PGAP1: variants seen among roughly 807,000 people sequenced by gnomAD.
PGAP1 encodes post-GPI attachment to proteins inositol deacylase 1, also known as GPI inositol-deacylase.
PGAP1 carries 76 observed loss-of-function variants against 127.0 expected under a neutral mutation model. That is an observed-to-expected ratio of 0.60 (90% CI 0.50 to 0.72). The LOEUF (loss-of-function observed/expected upper bound fraction) is 0.72, where lower values mean the gene tolerates loss of function less well. Among genes scored for constraint, PGAP1 ranks in the 30% least tolerant of loss-of-function variants. The pLI is 0.00. For missense variants in PGAP1, 982 were observed against 1,071.3 expected, an observed-to-expected ratio of 0.92 and a Z score of 1.16; for synonymous variants, 362 against 366.5, an observed-to-expected ratio of 0.99 and a Z score of 0.14.
chr2:196,886,617 T>C (rs190934925), intron 10 of PGAP1, among the ~76,000 whole-genome samples: 138 of 152,312 alleles, frequency 9.1e-4, no homozygotes, highest in Non-Finnish European at 1.6e-3. Context: ...TATACAAACA[T>C]AAATCCAGAG....
At chr2:196,859,714 TA>T (rs1700999748) in intron 20 of PGAP1, among the ~76,000 whole-genome samples, 1 of 152,158 alleles carries the variant, frequency 6.6e-6, no homozygotes, top group South Asian at 2.1e-4. Flanking sequence ...GTTCAATATA[TA>T]CAAATCAATC....
At chr2:196,890,778 G>A (rs372325899) in intron 10 of PGAP1, 50 bp downstream of exon 10, 3 of 1,055,466 alleles carry the variant, frequency 2.8e-6, no homozygotes, top group Non-Finnish European at 4.3e-6. Context: ...TTTGAAAAAT[G>A]AACAACAGTT....
chr2:196,864,389 T>TC (rs1553599547), intron 20 of PGAP1, among the ~76,000 whole-genome samples: 1 of 21,156 alleles, frequency 4.7e-5, no homozygotes, highest in Non-Finnish European at 8.3e-5. Context: ...AAACTACGTC[T>TC]CAAAAAAAAA....
intron 26 of PGAP1, among the ~76,000 whole-genome samples, chr2:196,842,182 G>C (rs1285135410): frequency 6.6e-6 from 1 of 152,112 alleles, no homozygotes; most frequent in Non-Finnish European, 1.5e-5. Context: ...GAGGGGTTAA[G>C]AAATGTAACT....
intron 7 of PGAP1, 91 bp from the exon 8 acceptor site, chr2:196,893,336 C>T: frequency 3.1e-6 from 2 of 655,450 alleles, no homozygotes; most frequent in East Asian, 2.9e-5. Flanking sequence ...CAACAGCCAA[C>T]ATTTATTACT....
intron 20 of PGAP1, among the ~76,000 whole-genome samples, chr2:196,856,316 C>A (rs905083548): frequency 2.0e-5 from 3 of 152,110 alleles, no homozygotes; most frequent in Admixed American, 6.6e-5. Flanking sequence ...CCATGCCCAG[C>A]CCTCAAGGTT....
At chr2:196,873,908 A>C in intron 14 of PGAP1, 150 bp from the exon 15 acceptor site, 6 of 534,772 alleles carry the variant, frequency 1.1e-5, no homozygotes, top group South Asian at 3.4e-5. Context: ...TAAAAATCTA[A>C]TCTCCCAGCA....
chr2:196,873,778 G>C lies in PGAP1; in HGVS notation c.1427-20C>G. ...ACAATCCTGTTGAATTCAAAGTACT[G>C]TATTACTTAGAATATCAAGGAAGTT... On this transcript the variant is annotated intron_variant, in intron 14 of 26. Transcript: ENST00000354764. 6.6e-7 allele frequency: 1 copy of C among 1,510,030 alleles called. No homozygotes were observed. The highest frequency in any genetic ancestry group is 9.2e-7 in the Non-Finnish European group (1 of 1,087,000). The allele number at this position is 1,510,030 out of a possible 1,614,324, so 93.5% of individuals were successfully genotyped here.
intron 11 of PGAP1, 42 bp downstream of exon 11, chr2:196,885,792 T>C (rs1002114665): frequency 3.1e-6 from 4 of 1,295,326 alleles, no homozygotes; most frequent in Non-Finnish European, 4.1e-6. Context: ...TTCCGAGTAT[T>C]GTTTATGTTG....
chr2:196,848,088 T>C, intron 20 of PGAP1, 51 bp from the exon 21 acceptor site: 1 of 1,268,276 alleles, frequency 7.9e-7, no homozygotes, highest in Non-Finnish European at 1.1e-6. Flanking sequence ...AAGTATGAGA[T>C]ATACTATATC....
At chr2:196,885,177 T>C (rs1410567784) in intron 12 of PGAP1, among the ~76,000 whole-genome samples, 1 of 152,182 alleles carries the variant, frequency 6.6e-6, no homozygotes, top group Non-Finnish European at 1.5e-5. Context: ...AGTTATAATA[T>C]ACAGAGATTT....
intron 10 of PGAP1, among the ~76,000 whole-genome samples, chr2:196,887,896 G>A (rs1701969205): frequency 6.6e-6 from 1 of 152,134 alleles, no homozygotes. Flanking sequence ...TGCACAGCCT[G>A]GACACAGAAA....
At chr2:196,926,121 C>T (rs758337326) in intron 1 of PGAP1, among the ~76,000 whole-genome samples, 7 of 152,026 alleles carry the variant, frequency 4.6e-5, no homozygotes, top group Non-Finnish European at 7.4e-5. Context: ...GTTGAGGCTG[C>T]CTCTCTGGGC....
intron 2 of PGAP1, 35 bp from the exon 3 acceptor site, chr2:196,916,628 A>G: frequency 6.5e-7 from 1 of 1,540,386 alleles, no homozygotes; most frequent in Non-Finnish European, 8.7e-7. Context: ...ACATTAAACA[A>G]TATTTACAGG....
chr2:196,836,284 T>C lies in PGAP1; in HGVS notation c.*4950A>G, dbSNP rs1315303513. 4 of 152,682 alleles carry C rather than the reference T, an allele frequency of 2.6e-5. No homozygotes were observed. The highest frequency in any genetic ancestry group is 7.2e-5 in the African/African-American group (3 of 41,580). 9.5% of individuals were successfully genotyped at this position (152,682 alleles called of 1,614,324 possible). A position where few individuals can be genotyped will look rare whatever the true frequency, so the allele number is the denominator to read the frequency against. ...CACTTTCAGAAAGTCCTGTACTTTATTTAAAAGTTATCAACCGTAGACAAT... is the reference window on the plus strand; with the variant it reads ...CACTTTCAGAAAGTCCTGTACTTTACTTAAAAGTTATCAACCGTAGACAAT... On this transcript the variant is annotated 3_prime_UTR_variant, in exon 27 of 27. Transcript: ENST00000354764.
intron 12 of PGAP1, among the ~76,000 whole-genome samples, chr2:196,881,774 C>T (rs550945862): frequency 4.0e-4 from 61 of 152,258 alleles, no homozygotes; most frequent in Non-Finnish European, 6.8e-4. Flanking sequence ...AGACCTTTGT[C>T]GGATGCAGAG....
intron 2 of PGAP1, among the ~76,000 whole-genome samples, chr2:196,918,149 G>C (rs1352437299): frequency 6.6e-6 from 1 of 152,138 alleles, no homozygotes; most frequent in Non-Finnish European, 1.5e-5. Context: ...AGTGAAGCCA[G>C]AGCAACTTTT....
chr2:196,853,867 G>A lies in PGAP1; in HGVS notation c.1862-5830C>T, dbSNP rs552049273. The stretch of plus-strand genomic sequence containing the variant: ...ACCTGTGATCCTCTTTTGATCAAGC[G>A]TTTTGAACCTTTTGACATATTTGGC... On this transcript the variant is annotated intron_variant, in intron 20 of 26. Transcript: ENST00000354764. Among the ~76,000 whole-genome samples the A allele has an allele frequency of 4.7e-5, 7 of 148,302 alleles. No homozygotes were observed. In the South Asian group the frequency reaches 6.4e-4, roughly 14 times the overall value.
chr2:196,881,675 A>G (rs562331679), intron 12 of PGAP1, among the ~76,000 whole-genome samples: 1 of 152,274 alleles, frequency 6.6e-6, no homozygotes, highest in East Asian at 1.9e-4. Flanking sequence ...CTTCTTTTGA[A>G]AAGTGTCATT....
Sources: allele counts gnomAD v4.1 joint callset (sites outside exome capture counted in the v4.1 genomes callset), GRCh38; gene constraint gnomAD v4.1.1; transcripts MANE v1.5; gene names NCBI Gene and HGNC (gene_info 2026-07-23, HGNC 2026-07-21).